The following VARS2 variants were observed in gnomAD, a reference collection of about 807,000 sequenced individuals.
VARS2 encodes valine--tRNA ligase, mitochondrial.
VARS2 carries 105 observed loss-of-function variants against 154.1 expected under a neutral mutation model. That is an observed-to-expected ratio of 0.68 (90% CI 0.58 to 0.80). The LOEUF (loss-of-function observed/expected upper bound fraction) is 0.80. Among genes scored for constraint, VARS2 ranks in the 30% least tolerant of loss-of-function variants. The pLI, the probability that VARS2 is intolerant of heterozygous loss-of-function variation, is 0.00. For synonymous variants in VARS2, 483 were observed against 539.5 expected (o/e 0.90, Z 1.45); for missense variants, 1,157 against 1,361.4 (o/e 0.85, Z 2.36).
intron 1 of VARS2, 91 bp from the exon 2 acceptor site, chr6:30,914,719 C>T (rs557560957): frequency 7.8e-7 from 1 of 1,278,212 alleles, no homozygotes. Flanking sequence ...AATAACAGAC[C>T]TGTGCTAATT....
chr6:30,915,648 G>A, intron 4 of VARS2, 98 bp from the exon 5 acceptor site: 1 of 1,562,170 alleles, frequency 6.4e-7, no homozygotes, highest in Non-Finnish European at 8.7e-7. Flanking sequence ...TTGCAGGACA[G>A]TTCTTCCTTG....
At chr6:30,923,306 G>T in intron 24 of VARS2, 47 bp from the exon 25 acceptor site, 1 of 1,606,478 alleles carries the variant, frequency 6.2e-7, no homozygotes, top group African/African-American at 1.3e-5. Flanking sequence ...GGAAGGAAAG[G>T]AGGCAGGGGA....
Position 30,917,902 on chromosome 6 carries a change from T to C in VARS2, c.985+96T>C. The C allele has an allele frequency of 1.6e-6, 2 of 1,269,456 alleles. No homozygotes were observed. The highest frequency in any genetic ancestry group is 2.2e-6 in the Non-Finnish European group (2 of 897,786). 78.6% of individuals were successfully genotyped at this position (1,269,456 alleles called of 1,614,324 possible). A position where few individuals can be genotyped will look rare whatever the true frequency, so the allele number is the denominator to read the frequency against. ...TGCTAGGAACCCATCAGTCCATCTCTCACATGTACCTTGGTAGTGTTCACC... is the reference window on the plus strand; with the variant it reads ...TGCTAGGAACCCATCAGTCCATCTCCCACATGTACCTTGGTAGTGTTCACC... On this transcript the variant is annotated intron_variant, in intron 10 of 29. Coordinates refer to ENST00000676266, the MANE Select transcript of VARS2 (RefSeq NM_020442.6). This position sits in a 1 kb window ranked among gnomAD's most constrained non-coding sequence, Gnocchi z 4.4.
chr6:30,923,372 T>G lies in VARS2; in HGVS notation c.2333T>G (p.Met778Arg). 2 of 1,611,286 alleles carry G rather than the reference T, an allele frequency of 1.2e-6. No individual in the cohort carries two copies. Among genetic ancestry groups the G allele is most frequent in the African/African-American group, 2.7e-5 (2 of 75,020 alleles). ...CTGCAGCTGTCTCCCTCCTCCCCGATGGATGCCTGGATCCTGAGCCGCCTT... is the reference window on the plus strand; with the variant it reads ...CTGCAGCTGTCTCCCTCCTCCCCGAGGGATGCCTGGATCCTGAGCCGCCTT... Reference protein sequence around the residue: ...PAEELSPSSPMDAWILSRLAL... With the variant: ...PAEELSPSSPRDAWILSRLAL... Residue 778 changes from methionine (M) to arginine (R), a missense_variant, in exon 25 of 30, where the codon ATG (methionine) becomes AGG (arginine). Transcript: ENST00000676266.
At position 30,919,722 on chromosome 6, in the gene VARS2, A is replaced by C; in HGVS notation, c.1075-36A>C. The C allele has an allele frequency of 6.7e-7, 1 of 1,501,298 alleles. No individual in the cohort carries two copies. Among genetic ancestry groups the C allele is most frequent in the Non-Finnish European group, 9.0e-7 (1 of 1,116,640 alleles). 93.0% of individuals were successfully genotyped at this position (1,501,298 alleles called of 1,614,324 possible). A position where few individuals can be genotyped will look rare whatever the true frequency, so the allele number is the denominator to read the frequency against. ...CAGCCCAGACCCTTCCAACCCTCACAGGTGCCTGTCCTTGATCCCTCTCCC... is the reference window on the plus strand; with the variant it reads ...CAGCCCAGACCCTTCCAACCCTCACCGGTGCCTGTCCTTGATCCCTCTCCC... On this transcript the variant is annotated intron_variant, in intron 11 of 29. Coordinates refer to ENST00000676266, the MANE Select transcript of VARS2 (RefSeq NM_020442.6). The surrounding 1 kb of genome is among the most constrained non-coding windows in gnomAD (Gnocchi z 4.5).
rs112627525 is a variant in VARS2 at position 30,920,590 on chromosome 6, G to T, written c.1398-78G>T. ...TTGTATCCTCAGTACCAAGGGCCTGGCATGGCATGGGGTCTTGTGCCCCTG... is the reference window on the plus strand; with the variant it reads ...TTGTATCCTCAGTACCAAGGGCCTGTCATGGCATGGGGTCTTGTGCCCCTG... On this transcript the variant is annotated intron_variant, in intron 14 of 29. Coordinates refer to ENST00000676266, the MANE Select transcript of VARS2 (RefSeq NM_020442.6). The surrounding 1 kb of genome is among the most constrained non-coding windows in gnomAD (Gnocchi z 4.6). The T allele has an allele frequency of 2.5e-5, 35 of 1,375,976 alleles. No homozygotes were observed. The highest frequency in any genetic ancestry group is 3.0e-5 in the Non-Finnish European group (31 of 1,017,422). The allele number at this position is 1,375,976 out of a possible 1,614,324, so 85.2% of individuals were successfully genotyped here. A position where few individuals can be genotyped will look rare whatever the true frequency, so the allele number is the denominator to read the frequency against.
Position 30,925,541 on chromosome 6 carries a change from C to T in VARS2, c.2786-3C>T. ...TTGCCCCTGACAGTTTCTTTCTTTC[C>T]AGTGCTGCTGCAGAGCTCAGAGCCT... On this transcript the variant is annotated splice_polypyrimidine_tract_variant and splice_region_variant and intron_variant, in intron 27 of 29. Transcript: ENST00000676266. 2 of 1,574,928 alleles carry T rather than the reference C, an allele frequency of 1.3e-6. No homozygotes were observed. Among genetic ancestry groups the T allele is most frequent in the South Asian group, 1.2e-5 (1 of 85,336 alleles).
Position 30,915,390 on chromosome 6 carries a change from C to T in VARS2, c.319C>T (p.Arg107Ter). 1 of 1,614,172 alleles carries T rather than the reference C, an allele frequency of 6.2e-7. No homozygotes were observed. Residue 107 changes from arginine (R) to a stop codon, truncating the protein, a stop_gained, in exon 4 of 30, where the codon CGA (arginine) becomes TGA (stop). Transcript: ENST00000676266. LOFTEE classifies it high-confidence loss of function. ...SGPLPPAYSP[R>*]YVEAAWYPWW... is the part of the protein sequence containing the mutation. ...GCCCCTGCCTCCTGCATACAGCCCC[C>T]GATATGTTGAGGCTGCCTGGTACCC...
At position 30,918,825 on chromosome 6, in the gene VARS2, A is replaced by G; in HGVS notation, c.986-2A>G. On this transcript the variant is annotated splice_acceptor_variant, in intron 10 of 29. Coordinates refer to ENST00000676266, the MANE Select transcript of VARS2 (RefSeq NM_020442.6). LOFTEE classifies it high-confidence loss of function. ...TGTAAGTGTTTAAATGTTTATCTTCAGATGCAGAGGTTGTGGTAGGAACCA... is the reference window on the plus strand; with the variant it reads ...TGTAAGTGTTTAAATGTTTATCTTCGGATGCAGAGGTTGTGGTAGGAACCA... The G allele has an allele frequency of 6.2e-7, 1 of 1,612,922 alleles. No homozygotes were observed. The highest frequency in any genetic ancestry group is 8.5e-7 in the Non-Finnish European group (1 of 1,179,950).
rs1381567185 is a variant in VARS2, at chr6:30,923,101, C to T, written c.2186-3C>T. ...GCAGACTACCTCGATTCTTCCCTTC[C>T]AGCGGGCGACTTGCACCTGTCAGTC... On this transcript the variant is annotated splice_polypyrimidine_tract_variant and splice_region_variant and intron_variant, in intron 23 of 29. Transcript: ENST00000676266. The T allele has an allele frequency of 1.9e-6, 3 of 1,612,960 alleles. No homozygotes were observed. The highest frequency in any genetic ancestry group is 1.3e-5 in the African/African-American group (1 of 75,036).
chr6:30,922,827 C>T (rs923353628), intron 22 of VARS2, 53 bp downstream of exon 22: 2 of 1,582,862 alleles, frequency 1.3e-6, no homozygotes, highest in Non-Finnish European at 1.7e-6. Flanking sequence ...CCTCTGGCTT[C>T]CTCTGCAACC....
In VARS2 at chr6:30,918,930, G is replaced by A. The variant is rs200200291; in HGVS notation, c.1074+15G>A. On this transcript the variant is annotated intron_variant, in intron 11 of 29. Coordinates refer to ENST00000676266, the MANE Select transcript of VARS2 (RefSeq NM_020442.6). ...CGCGATACACAGTAATACCCAGTGC[G>A]CTCCTGCACTCTGGCCCGCCCCGCC... The A allele has an allele frequency of 5.5e-4, 878 of 1,608,140 alleles. 1 individual carries two copies. The highest frequency in any genetic ancestry group is 9.2e-4 in the South Asian group (84 of 90,940).
intron 25 of VARS2, chr6:30,923,824 G>A (rs967001232): frequency 1.2e-5 from 5 of 427,952 alleles, no homozygotes; most frequent in Non-Finnish European, 2.1e-5. Flanking sequence ...GGCAGGCTGC[G>A]TGCTGAGAGA....
In VARS2 at chr6:30,917,851, C is replaced by G; in HGVS notation, c.985+45C>G. The G allele has an allele frequency of 6.5e-7, 1 of 1,542,142 alleles. No individual in the cohort carries two copies. Among genetic ancestry groups the G allele is most frequent in the Non-Finnish European group, 8.8e-7 (1 of 1,138,742 alleles). ...GGGTCACCCGTTTACCTCCATTTTT[C>G]CTGTTTTCTGAAGCCCATGTTGGGC... is the stretch of plus-strand genomic sequence containing the variant. On this transcript the variant is annotated intron_variant, in intron 10 of 29. Transcript: ENST00000676266. The surrounding 1 kb of genome is among the most constrained non-coding windows in gnomAD (Gnocchi z 4.4).
Position 30,925,301 on chromosome 6 carries a change from C to T in VARS2, c.2701C>T (p.Arg901Trp), listed in dbSNP as rs755778663. 161 of 1,612,264 alleles carry T rather than the reference C, an allele frequency of 1.0e-4. No homozygotes were observed. The highest frequency in any genetic ancestry group is 1.3e-4 in the Non-Finnish European group (149 of 1,179,768). Residue 901 changes from arginine to tryptophan, a missense_variant, in exon 27 of 30, where the codon CGG (arginine) becomes TGG (tryptophan). Transcript: ENST00000676266. The part of the protein sequence containing the change: ...LEHWRQPELE[R>W]RFSRVQEVVQ... ...GCACTGGCGCCAGCCAGAGCTGGAG[C>T]GGCGCTTCTCCCGGGTCCAAGAGGT...
chr6:30,925,643 C>T lies in VARS2; in HGVS notation c.2885C>T (p.Pro962Leu). Reference protein sequence around the residue: ...LGYCGAVGLLPPGAAAPSGWA... With the variant: ...LGYCGAVGLLLPGAAAPSGWA... ...TACTGTGGGGCTGTGGGCCTGTTAC[C>T]CCCAGGCGCAGCAGCTCCCTCCGGC... The change falls in exon 28 of 30, where the codon CCC becomes CTC. Residue 962 changes from proline (P) to leucine (L), a missense_variant. Physicochemically the swap from Pro to Leu is moderately conservative, Grantham distance 98 (BLOSUM62 -3). Transcript: ENST00000676266. 6.2e-7 allele frequency: 1 copy of T among 1,611,014 alleles called. No homozygotes were observed. Among genetic ancestry groups the T allele is most frequent in the Non-Finnish European group, 8.5e-7 (1 of 1,179,760 alleles).
At position 30,919,143 on chromosome 6, in the gene VARS2, G is replaced by A; in HGVS notation, c.1074+228G>A. ...GCTTGCGGCCTTTTTTTTTGAGACAGAGTCTCGCTCTGTCACCAAGGCTGG... is the reference window on the plus strand; with the variant it reads ...GCTTGCGGCCTTTTTTTTTGAGACAAAGTCTCGCTCTGTCACCAAGGCTGG... On this transcript the variant is annotated intron_variant, in intron 11 of 29. Coordinates refer to ENST00000676266, the MANE Select transcript of VARS2 (RefSeq NM_020442.6). The surrounding 1 kb of genome is among the most constrained non-coding windows in gnomAD (Gnocchi z 4.5). 2.0e-6 allele frequency: 1 copy of A among 510,210 alleles called. No homozygotes were observed. The highest frequency in any genetic ancestry group is 3.5e-6 in the Non-Finnish European group (1 of 282,390). 31.6% of individuals were successfully genotyped at this position (510,210 alleles called of 1,614,324 possible). A position where few individuals can be genotyped will look rare whatever the true frequency, so the allele number is the denominator to read the frequency against.
In VARS2 at chr6:30,915,380, A is replaced by G. The variant is rs1169683830; in HGVS notation, c.309A>G (p.Ala103=). The G allele has an allele frequency of 2.5e-6, 4 of 1,614,080 alleles. No homozygotes were observed. Among genetic ancestry groups the G allele is most frequent in the Non-Finnish European group, 2.5e-6 (3 of 1,180,042 alleles). Residue 103 remains alanine, a synonymous_variant, in exon 4 of 30, where the codon GCA becomes GCG. Transcript: ENST00000676266. ...KKDVSGPLPP[A]YSPRYVEAAW... Reference sequence around the variant, plus strand: ...ATGTCTCTGGGCCCCTGCCTCCTGCATACAGCCCCCGATATGTTGAGGCTG... The same window carrying G: ...ATGTCTCTGGGCCCCTGCCTCCTGCGTACAGCCCCCGATATGTTGAGGCTG...
intron 2 of VARS2, 42 bp downstream of exon 2, chr6:30,915,079 A>C: frequency 6.2e-7 from 1 of 1,611,500 alleles, no homozygotes; most frequent in Non-Finnish European, 8.5e-7. Context: ...CTGAGACTTG[A>C]GAGGGGCTGG....
Sources: gnomAD v4.1 joint callset for allele counts on GRCh38, gnomAD v4.1.1 for gene constraint, Gnocchi (gnomAD v3.1) non-coding constraint, MANE v1.5 for transcripts, NCBI Gene and HGNC (gene_info 2026-07-23, HGNC 2026-07-21) for gene names.